IGF2BP1: variants seen among roughly 807,000 people sequenced by gnomAD.
IGF2BP1 encodes the protein insulin-like growth factor 2 mRNA-binding protein 1.
A neutral mutation model predicts 74.9 loss-of-function variants in IGF2BP1; 11 were observed. The observed-to-expected ratio is 0.15, with a 90% CI of 0.09 to 0.24. The LOEUF (loss-of-function observed/expected upper bound fraction) is 0.24. IGF2BP1 is among the 10% of genes least tolerant of loss of function. The pLI is 1.00. For synonymous variants in IGF2BP1, 287 were observed against 281.8 expected, an observed-to-expected ratio of 1.02 and a Z score of -0.18; for missense variants, 440 against 757.4, an observed-to-expected ratio of 0.58 and a Z score of 4.92.
intron 2 of IGF2BP1, among the ~76,000 whole-genome samples, chr17:49,009,057 T>G (rs1169099436): frequency 6.6e-6 from 1 of 152,132 alleles, no homozygotes; most frequent in Admixed American, 6.6e-5. Context: ...AGAGGGAGTC[T>G]TGCTCTGTTG....
intron 2 of IGF2BP1, among the ~76,000 whole-genome samples, chr17:49,015,383 G>GC (rs371173693): frequency 1.5e-4 from 23 of 152,248 alleles, no homozygotes; most frequent in African/African-American, 5.5e-4. Context: ...TGGTCTTCCT[G>GC]CCCCCCACCT....
At chr17:49,007,481 C>T (rs373400246) in intron 2 of IGF2BP1, among the ~76,000 whole-genome samples, 13 of 152,162 alleles carry the variant, frequency 8.5e-5, no homozygotes, top group African/African-American at 1.9e-4. Context: ...CCCCAGCCCT[C>T]GGAATAAGGG....
intron 4 of IGF2BP1, among the ~76,000 whole-genome samples, chr17:49,030,618 T>C (rs1174804301): frequency 6.6e-6 from 1 of 152,004 alleles, no homozygotes; most frequent in Admixed American, 6.6e-5. Context: ...TTTTAACTAG[T>C]TGAACTTTTT....
At chr17:49,003,636 T>C (rs192347258) in intron 2 of IGF2BP1, among the ~76,000 whole-genome samples, 1 of 152,232 alleles carries the variant, frequency 6.6e-6, no homozygotes, top group African/African-American at 2.4e-5. Flanking sequence ...TAAAAGATTC[T>C]TGAAATGTGG....
At chr17:49,027,875 A>T (rs1353097848) in intron 4 of IGF2BP1, among the ~76,000 whole-genome samples, 1 of 149,486 alleles carries the variant, frequency 6.7e-6, no homozygotes, top group Admixed American at 6.7e-5. Flanking sequence ...AAAAAAAAAA[A>T]AAAAAAGTTT....
At chr17:48,996,644 C>A (rs1474819998), upstream of IGF2BP1, among the ~76,000 whole-genome samples, 1 of 152,216 alleles carries the variant, frequency 6.6e-6, no homozygotes, top group East Asian at 1.9e-4. Context: ...GCCAGTTCCG[C>A]GTGTTCCCCT....
At chr17:49,014,640 G>A (rs1255223661) in intron 2 of IGF2BP1, 1 of 344,686 alleles carries the variant, frequency 2.9e-6, no homozygotes, top group Non-Finnish European at 4.1e-6. Context: ...CAGCTGCAGC[G>A]CCTGTTTCCC....
chr17:49,049,697 C>T lies in IGF2BP1; in HGVS notation c.*253C>T, dbSNP rs2042147522. 7 of 444,348 alleles carry T rather than the reference C, an allele frequency of 1.6e-5. No individual in the cohort carries two copies. Among genetic ancestry groups the T allele is most frequent in the Admixed American group, 1.5e-4 (4 of 27,012 alleles). The allele number at this position is 444,348 out of a possible 1,614,324, so 27.5% of individuals were successfully genotyped here. ...AATTCTAGCGCAAGGCACTTTTAAA[C>T]GTGGATTGTTTAAAGAAGCTCTCCA... On this transcript the variant is annotated 3_prime_UTR_variant, in exon 15 of 15. Transcript: ENST00000290341.
intron 2 of IGF2BP1, among the ~76,000 whole-genome samples, chr17:49,000,430 T>C (rs1278147084): frequency 6.6e-6 from 1 of 152,240 alleles, no homozygotes; most frequent in African/African-American, 2.4e-5. Context: ...ACTATGTTTA[T>C]AGAGCTTGCG....
chr17:49,035,233 CGAT>C (rs1269832339), intron 5 of IGF2BP1, among the ~76,000 whole-genome samples: 1 of 152,042 alleles, frequency 6.6e-6, no homozygotes, highest in Non-Finnish European at 1.5e-5. Context: ...TGGGGCAGCT[CGAT>C]GATATCCACA....
chr17:49,034,463 G>T (rs2144095240), intron 5 of IGF2BP1, among the ~76,000 whole-genome samples: 1 of 150,616 alleles, frequency 6.6e-6, no homozygotes, highest in Middle Eastern at 3.4e-3. Context: ...ATGCTGTCGG[G>T]TTTAGTGGCT....
intron 5 of IGF2BP1, among the ~76,000 whole-genome samples, chr17:49,037,866 C>A (rs1394750796): frequency 6.6e-6 from 1 of 152,154 alleles, no homozygotes. Context: ...CTAGCAGAAC[C>A]CTATACTTTC....
chr17:49,030,578 A>C (rs945853504), intron 4 of IGF2BP1, among the ~76,000 whole-genome samples: 3 of 151,700 alleles, frequency 2.0e-5, no homozygotes, highest in Admixed American at 6.6e-5. Context: ...TACTTCTATA[A>C]ATTGCTAATC....
Position 49,042,257 on chromosome 17 carries a change from C to T in IGF2BP1, c.957C>T (p.Thr319=), listed in dbSNP as rs1163646328. 4 of 1,614,150 alleles carry T rather than the reference C, an allele frequency of 2.5e-6. No individual in the cohort carries two copies. Among genetic ancestry groups the T allele is most frequent in the Non-Finnish European group, 3.4e-6 (4 of 1,180,014 alleles). ...KITISSLQDL[T]LYNPERTITV... is the part of the protein sequence containing the mutation. The stretch of plus-strand genomic sequence containing the variant: ...TTTCTGCCAGGTTGCAAGACCTTAC[C>T]CTTTACAACCCTGAGAGGACCATCA... The change falls in exon 9 of 15, where the codon ACC becomes ACT. Residue 319 remains threonine (T), a synonymous_variant. Transcript: ENST00000290341.
chr17:49,016,071 C>G (rs2041697673), intron 2 of IGF2BP1, among the ~76,000 whole-genome samples: 1 of 152,230 alleles, frequency 6.6e-6, no homozygotes, highest in Non-Finnish European at 1.5e-5. Context: ...GCAGTAAAAG[C>G]CAGTTGGCAC....
intron 2 of IGF2BP1, chr17:49,014,859 T>G (rs2041674427): frequency 1.0e-6 from 1 of 985,234 alleles, no homozygotes; most frequent in South Asian, 4.7e-5. Flanking sequence ...GAAGACAGAT[T>G]GCTTTGGAGG....
In IGF2BP1 at chr17:49,043,419, C is replaced by T; in HGVS notation, c.1078-9C>T. On this transcript the variant is annotated splice_polypyrimidine_tract_variant and intron_variant, in intron 9 of 14. Transcript: ENST00000290341. Reference sequence around the variant, plus strand: ...GTGCTGACTCTTCCTCCTCATCTTTCTTCCCCAGCTGCAGTCTCACCTGAT... The same window carrying T: ...GTGCTGACTCTTCCTCCTCATCTTTTTTCCCCAGCTGCAGTCTCACCTGAT... 1 of 1,613,680 alleles carries T rather than the reference C, an allele frequency of 6.2e-7. No individual in the cohort carries two copies. The highest frequency in any genetic ancestry group is 8.5e-7 in the Non-Finnish European group (1 of 1,179,930).
intron 2 of IGF2BP1, among the ~76,000 whole-genome samples, chr17:49,024,443 G>A (rs2041828369): frequency 6.6e-6 from 1 of 152,112 alleles, no homozygotes; most frequent in Non-Finnish European, 1.5e-5. Context: ...AAGATGGAAA[G>A]AAGACAGTAC....
intron 2 of IGF2BP1, chr17:49,013,121 A>G (rs2041642032): frequency 6.6e-6 from 1 of 152,202 alleles, no homozygotes; most frequent in South Asian, 2.1e-4. Context: ...TAGTGTGGGC[A>G]AAAAGAAGTA....
Sources: allele counts gnomAD v4.1 joint callset (sites outside exome capture counted in the v4.1 genomes callset), GRCh38; gene constraint gnomAD v4.1.1; transcripts MANE v1.5; gene names NCBI Gene and HGNC (gene_info 2026-07-23, HGNC 2026-07-21).